Variants in FTO observed in about 807,000 individuals in gnomAD.
FTO encodes alpha-ketoglutarate-dependent dioxygenase FTO.
A neutral mutation model predicts 63.9 loss-of-function variants in FTO; 47 were observed. That is an observed-to-expected ratio of 0.74 (90% CI 0.58 to 0.94). FTO has a LOEUF of 0.94. FTO is among the 40% of genes least tolerant of loss of function. The pLI, the probability that FTO is intolerant of heterozygous loss-of-function variation, is 0.00. For missense variants in FTO, 562 were observed against 618.1 expected (o/e 0.91, Z 0.96); for synonymous variants, 207 against 224.4 (o/e 0.92, Z 0.69).
intron 8 of FTO, among the ~76,000 whole-genome samples, chr16:54,078,390 T>C (rs1401407910): frequency 6.8e-6 from 1 of 147,102 alleles, no homozygotes; most frequent in Non-Finnish European, 1.5e-5. Flanking sequence ...AAATAATAAA[T>C]ATAATATTTA....
At chr16:53,972,552 C>G (rs1329278123) in intron 8 of FTO, among the ~76,000 whole-genome samples, 3 of 152,132 alleles carry the variant, frequency 2.0e-5, no homozygotes, top group Non-Finnish European at 4.4e-5. Context: ...ACTAGTTCAC[C>G]TCTGTGACTC....
At chr16:54,097,638 A>G (rs2086547286) in intron 8 of FTO, among the ~76,000 whole-genome samples, 1 of 152,228 alleles carries the variant, frequency 6.6e-6, no homozygotes, top group African/African-American at 2.4e-5. Context: ...TATTGCTGCT[A>G]CCATGTGTCA....
chr16:53,913,297 A>T (rs1435431551), intron 7 of FTO, among the ~76,000 whole-genome samples: 1 of 152,204 alleles, frequency 6.6e-6, no homozygotes, highest in Non-Finnish European at 1.5e-5. Flanking sequence ...ATTTGATTTG[A>T]TGAATAAAAG....
intron 1 of FTO, among the ~76,000 whole-genome samples, chr16:53,714,454 G>C (rs1163258106): frequency 6.6e-6 from 1 of 152,056 alleles, no homozygotes; most frequent in East Asian, 1.9e-4. Flanking sequence ...CTATTTTCCA[G>C]TTTGCCATTT....
chr16:53,796,897 A>G (rs2078087002), intron 1 of FTO, among the ~76,000 whole-genome samples: 1 of 152,206 alleles, frequency 6.6e-6, no homozygotes, highest in Non-Finnish European at 1.5e-5. Context: ...AGACATGTTC[A>G]TTATCACTCC....
chr16:53,876,328 C>G (rs925877126), intron 5 of FTO, among the ~76,000 whole-genome samples: 2 of 152,072 alleles, frequency 1.3e-5, no homozygotes, highest in Admixed American at 1.3e-4. Context: ...TTTCAGTAAA[C>G]TTTGGTAATA....
At chr16:53,943,242 G>A (rs144404477) in intron 8 of FTO, among the ~76,000 whole-genome samples, 1 of 152,198 alleles carries the variant, frequency 6.6e-6, no homozygotes, top group African/African-American at 2.4e-5. Flanking sequence ...TTTCCCCCAA[G>A]ATACAGCAAC....
chr16:53,960,366 C>T (rs892826270), intron 8 of FTO, among the ~76,000 whole-genome samples: 1 of 152,132 alleles, frequency 6.6e-6, no homozygotes, highest in African/African-American at 2.4e-5. Flanking sequence ...AAATGCCTGC[C>T]GTGCGTGGCA....
intron 4 of FTO, among the ~76,000 whole-genome samples, chr16:53,861,374 A>G (rs1293751825): frequency 1.3e-5 from 2 of 152,124 alleles, no homozygotes; most frequent in Non-Finnish European, 2.9e-5. Context: ...ATTTTTGCCG[A>G]TTTGATGGGT....
intron 7 of FTO, among the ~76,000 whole-genome samples, chr16:53,908,584 C>T (rs548775061): frequency 1.3e-5 from 2 of 152,306 alleles, no homozygotes; most frequent in East Asian, 3.9e-4. Context: ...TGCCCTGTGC[C>T]TGTCTAGGTT....
intron 1 of FTO, among the ~76,000 whole-genome samples, chr16:53,782,068 A>G (rs1172985107): frequency 2.0e-5 from 3 of 152,144 alleles, no homozygotes; most frequent in Admixed American, 6.5e-5. Flanking sequence ...CCCTCTCCCC[A>G]GACAAGTGCC....
chr16:53,836,573 T>C (rs1233332609), intron 3 of FTO, among the ~76,000 whole-genome samples: 1 of 152,222 alleles, frequency 6.6e-6, no homozygotes, highest in Non-Finnish European at 1.5e-5. Flanking sequence ...CAGTAACTCT[T>C]TGATTTCTGC....
intron 4 of FTO, among the ~76,000 whole-genome samples, chr16:53,862,479 A>G (rs1381295495): frequency 2.0e-5 from 3 of 151,590 alleles, no homozygotes; most frequent in Non-Finnish European, 2.9e-5. Flanking sequence ...TCTTTTCACA[A>G]CCTTGGAAAA....
chr16:53,897,192 T>G (rs769307700), intron 7 of FTO, among the ~76,000 whole-genome samples: 15 of 151,332 alleles, frequency 9.9e-5, no homozygotes, highest in Non-Finnish European at 3.0e-5. Context: ...GTGATTGACA[T>G]TTTTTTTTGC....
chr16:53,709,682 C>T (rs1017954496), intron 1 of FTO, among the ~76,000 whole-genome samples: 1 of 152,148 alleles, frequency 6.6e-6, no homozygotes, highest in African/African-American at 2.4e-5. Context: ...AAGAGTAGAA[C>T]CTAGAGCTCT....
At chr16:54,030,213 A>T (rs2084797241) in intron 8 of FTO, among the ~76,000 whole-genome samples, 1 of 152,218 alleles carries the variant, frequency 6.6e-6, no homozygotes, top group African/African-American at 2.4e-5. Flanking sequence ...AAGATAAATA[A>T]TAGTTCTAGA....
intron 8 of FTO, among the ~76,000 whole-genome samples, chr16:53,963,993 T>C (rs987363006): frequency 3.9e-5 from 6 of 152,204 alleles, no homozygotes; most frequent in African/African-American, 1.4e-4. Flanking sequence ...CCTCAGGTCA[T>C]CCTCCTGCCT....
At chr16:53,748,050 A>T (rs989106804) in intron 1 of FTO, among the ~76,000 whole-genome samples, 13 of 152,000 alleles carry the variant, frequency 8.6e-5, no homozygotes, top group African/African-American at 2.9e-4. Flanking sequence ...TGTTTTAATT[A>T]CTATTGCTTT....
At chr16:53,817,471 G>C (rs1457304579) in intron 2 of FTO, among the ~76,000 whole-genome samples, 1 of 152,134 alleles carries the variant, frequency 6.6e-6, no homozygotes, top group Non-Finnish European at 1.5e-5. Flanking sequence ...AAAGTGTTAG[G>C]AGCAAAATCT....
Sources: allele counts gnomAD v4.1 joint callset (sites outside exome capture counted in the v4.1 genomes callset), GRCh38; gene constraint gnomAD v4.1.1; transcripts MANE v1.5; gene names NCBI Gene and HGNC (gene_info 2026-07-23, HGNC 2026-07-21).